Variants in CSMD1 observed in about 807,000 individuals in gnomAD.
CSMD1 encodes CUB and Sushi multiple domains 1, also known as CUB and sushi domain-containing protein 1.
A neutral mutation model predicts 417.5 loss-of-function variants in CSMD1; 213 were observed. The observed-to-expected ratio is 0.51, with a 90% confidence interval of 0.46 to 0.57. CSMD1 has a LOEUF of 0.57. Among genes scored for constraint, CSMD1 ranks in the 20% least tolerant of loss-of-function variants. The probability of loss-of-function intolerance (pLI) is 0.00; values close to 1 mark genes in which losing one functional copy is unlikely to be tolerated. For missense variants in CSMD1, 6,923 were observed against 4,529.7 expected, an observed-to-expected ratio of 1.53 and a Z score of -15.17; for synonymous variants, 2,862 against 1,736.8, an observed-to-expected ratio of 1.65 and a Z score of -16.11.
intron 3 of CSMD1, among the ~76,000 whole-genome samples, chr8:4,159,797 C>G (rs1234081246): frequency 6.6e-6 from 1 of 152,042 alleles, no homozygotes; most frequent in Non-Finnish European, 1.5e-5. Context: ...ACCGTGTTAG[C>G]CAGGATAGGG....
At chr8:3,830,852 T>G (rs952128695) in intron 5 of CSMD1, among the ~76,000 whole-genome samples, 29 of 152,346 alleles carry the variant, frequency 1.9e-4, no homozygotes, top group Admixed American at 1.8e-3. Flanking sequence ...GCATGCCTAA[T>G]GACAGTTTTA....
chr8:4,270,466 G>A (rs1030432629), intron 3 of CSMD1, among the ~76,000 whole-genome samples: 1 of 152,136 alleles, frequency 6.6e-6, no homozygotes, highest in Non-Finnish European at 1.5e-5. Context: ...AGAAGCCGCA[G>A]AGCTTTTCTT....
chr8:4,196,197 C>G (rs1218062323), intron 3 of CSMD1, among the ~76,000 whole-genome samples: 1 of 152,002 alleles, frequency 6.6e-6, no homozygotes, highest in East Asian at 1.9e-4. Flanking sequence ...GGCGACGGAG[C>G]AAGACTCCGT....
intron 49 of CSMD1, among the ~76,000 whole-genome samples, chr8:3,073,117 G>C (rs1365464840): frequency 6.6e-6 from 1 of 152,124 alleles, no homozygotes; most frequent in Non-Finnish European, 1.5e-5. Flanking sequence ...AAATACAAAA[G>C]TCCTATTGTC....
At chr8:4,934,823 T>C (rs66816679) in intron 1 of CSMD1, among the ~76,000 whole-genome samples, 47,000 of 151,940 alleles carry the variant, frequency 0.31, 8,223 homozygotes, top group Non-Finnish European at 0.4. Flanking sequence ...CATGTATCAA[T>C]CACCTATCAT....
intron 40 of CSMD1, among the ~76,000 whole-genome samples, chr8:3,145,885 G>T (rs942084056): frequency 1.3e-5 from 2 of 152,290 alleles, no homozygotes; most frequent in South Asian, 2.1e-4. Flanking sequence ...AAAATTAAGT[G>T]CCAGTGACAA....
chr8:3,195,940 G>C (rs1402116594), intron 33 of CSMD1, among the ~76,000 whole-genome samples: 3 of 152,192 alleles, frequency 2.0e-5, no homozygotes, highest in Admixed American at 2.0e-4. Context: ...TCTTCAATAG[G>C]GGCTGTATAA....
At chr8:4,350,416 T>G (rs1237633924) in intron 3 of CSMD1, among the ~76,000 whole-genome samples, 1 of 152,216 alleles carries the variant, frequency 6.6e-6, no homozygotes, top group African/African-American at 2.4e-5. Context: ...TGCTCTGATT[T>G]ACTATATCTC....
intron 12 of CSMD1, among the ~76,000 whole-genome samples, chr8:3,454,601 G>A (rs1706523211): frequency 6.6e-6 from 1 of 152,166 alleles, no homozygotes; most frequent in South Asian, 2.1e-4. Flanking sequence ...TGAAATTCTG[G>A]ACTGAAACTT....
chr8:4,461,726 A>AT (rs1799834664), intron 2 of CSMD1, among the ~76,000 whole-genome samples: 2 of 136,130 alleles, frequency 1.5e-5, no homozygotes, highest in African/African-American at 5.6e-5. Flanking sequence ...CATCTTATTT[A>AT]TTATTTATTT....
intron 39 of CSMD1, among the ~76,000 whole-genome samples, chr8:3,157,028 A>C (rs1178603694): frequency 6.6e-6 from 1 of 151,304 alleles, no homozygotes; most frequent in Non-Finnish European, 1.5e-5. Context: ...TGCTAATAGC[A>C]TTCGCAGAGG....
chr8:4,333,810 G>A (rs543532637), intron 3 of CSMD1, among the ~76,000 whole-genome samples: 4 of 152,218 alleles, frequency 2.6e-5, no homozygotes, highest in East Asian at 1.9e-4. Context: ...TTGCTTGTGT[G>A]CAAATATTCT....
intron 1 of CSMD1, among the ~76,000 whole-genome samples, chr8:4,713,515 C>A (rs1808447636): frequency 6.6e-6 from 1 of 152,208 alleles, no homozygotes. Context: ...GATTTTCCTG[C>A]CTCAGCCTCC....
chr8:4,431,269 T>C (rs1334742730), intron 2 of CSMD1, among the ~76,000 whole-genome samples: 4 of 152,144 alleles, frequency 2.6e-5, no homozygotes, highest in Non-Finnish European at 4.4e-5. Flanking sequence ...TAAATAATAA[T>C]ATGCAAATTT....
At chr8:3,332,675 G>A (rs1310137751) in intron 23 of CSMD1, among the ~76,000 whole-genome samples, 2 of 151,844 alleles carry the variant, frequency 1.3e-5, no homozygotes, top group African/African-American at 4.9e-5. Flanking sequence ...GGGAGTGCGT[G>A]CATGTGTGCG....
intron 4 of CSMD1, among the ~76,000 whole-genome samples, chr8:3,999,833 C>T (rs55824939): frequency 0.12 from 18,848 of 151,920 alleles, 1,263 homozygotes; most frequent in East Asian, 0.19. Context: ...TAATAGTTAG[C>T]CAGTCTGTGA....
chr8:3,513,888 G>A (rs929504861), intron 10 of CSMD1, among the ~76,000 whole-genome samples: 1 of 152,174 alleles, frequency 6.6e-6, no homozygotes, highest in Non-Finnish European at 1.5e-5. Context: ...AACACACAAA[G>A]GTTATAACCA....
At chr8:3,195,802 A>G (rs1176129857) in intron 33 of CSMD1, among the ~76,000 whole-genome samples, 1 of 152,216 alleles carries the variant, frequency 6.6e-6, no homozygotes, top group African/African-American at 2.4e-5. Flanking sequence ...CATATTCAAC[A>G]TTTAAAAGCA....
intron 1 of CSMD1, among the ~76,000 whole-genome samples, chr8:4,650,262 G>A (rs944042286): frequency 3.3e-5 from 5 of 149,416 alleles, no homozygotes; most frequent in African/African-American, 9.9e-5. Flanking sequence ...GGAGAATGGC[G>A]TGAACCCGGG....
Sources: gnomAD v4.1 joint callset for allele counts (sites outside exome capture counted in the v4.1 genomes callset) on GRCh38, gnomAD v4.1.1 for gene constraint, MANE v1.5 for transcripts, NCBI Gene and HGNC (gene_info 2026-07-23, HGNC 2026-07-21) for gene names.